EPG5: variants seen among roughly 807,000 people sequenced by gnomAD.
The protein encoded by EPG5 is ectopic P-granules 5 autophagy tethering factor, also known as ectopic P granules protein 5 homolog.
Under a neutral mutation model 302.7 loss-of-function variants are expected in EPG5, and 159 were observed. The ratio of observed to expected loss-of-function variants is 0.53; its 90% CI spans 0.46 to 0.60. The LOEUF is 0.60. Ranked by LOEUF, EPG5 falls within the 20% of genes least tolerant of loss-of-function variation. The pLI is 0.00. For missense variants in EPG5, 2,896 were observed against 3,092.4 expected (o/e 0.94, Z 1.51); for synonymous variants, 1,158 against 1,136.8 (o/e 1.02, Z -0.37).
At chr18:45,944,151 G>T in intron 7 of EPG5, 32 bp from the exon 8 acceptor site, 1 of 1,332,006 alleles carries the variant, frequency 7.5e-7, no homozygotes, top group Non-Finnish European at 1.1e-6. Context: ...CATGTCAGCA[G>T]ATTTGATCAG....
At chr18:45,924,830 A>G (rs944965159) in intron 14 of EPG5, among the ~76,000 whole-genome samples, 2 of 152,196 alleles carry the variant, frequency 1.3e-5, no homozygotes, top group African/African-American at 4.8e-5. Flanking sequence ...GGCTCTCTTA[A>G]GCCCAGGAGT....
rs564878728 is a variant in EPG5, at chr18:45,935,516, T to C, written c.2100-550A>G. Among the ~76,000 whole-genome samples the C allele has an allele frequency of 3.9e-5, 6 of 152,322 alleles. No homozygotes were observed. The South Asian group carries it at 1.0e-3, about 26-fold the overall frequency. On this transcript the variant is annotated intron_variant, in intron 10 of 43. Transcript: ENST00000282041. Reference sequence around the variant, plus strand: ...AAGATCGCACCATTGTACTCCAGCCTGGGCAACACGAGTGAAACTCCAACT... The same window carrying C: ...AAGATCGCACCATTGTACTCCAGCCCGGGCAACACGAGTGAAACTCCAACT...
chr18:45,967,189 C>T lies in EPG5; in HGVS notation c.51G>A (p.Arg17=). The T allele has an allele frequency of 6.2e-7, 1 of 1,604,240 alleles. No individual in the cohort carries two copies. ...GGGAGATCCTCACCTTTGTTTTAGT[C>T]CGGCTGGCCTTGGCCTTGGCCCGGC... ...PQRRAKAKAS[R]TKTKEKKKYE... The change falls in exon 1 of 44, where the codon CGG becomes CGA. Residue 17 remains arginine (R), a synonymous_variant. Coordinates refer to ENST00000282041, the MANE Select transcript of EPG5 (RefSeq NM_020964.3).
chr18:45,826,201 A>C, the EPG5 span, among the ~76,000 whole-genome samples: 3 of 151,818 alleles, frequency 2.0e-5, no homozygotes, highest in Non-Finnish European at 4.4e-5. Context: ...GTTTGGGGAC[A>C]GTGCTGATGC....
intron 23 of EPG5, among the ~76,000 whole-genome samples, chr18:45,909,086 C>A (rs2049829488): frequency 6.6e-6 from 1 of 152,046 alleles, no homozygotes; most frequent in South Asian, 2.1e-4. Flanking sequence ...GGGTAGGGGA[C>A]TGGGAGATGG....
chr18:45,909,584 CTT>C (rs1951329336), intron 23 of EPG5, among the ~76,000 whole-genome samples: 1 of 152,132 alleles, frequency 6.6e-6, no homozygotes. Flanking sequence ...TTATATCAAA[CTT>C]ATAAATGAAA....
chr18:45,895,228 G>C (rs992496410), intron 27 of EPG5, among the ~76,000 whole-genome samples: 4 of 152,164 alleles, frequency 2.6e-5, no homozygotes, highest in African/African-American at 9.7e-5. Flanking sequence ...ATAGGAAGAA[G>C]AGATTTGGAA....
chr18:45,817,349 T>G, the EPG5 span, among the ~76,000 whole-genome samples: 2 of 152,242 alleles, frequency 1.3e-5, no homozygotes, highest in African/African-American at 4.8e-5. Flanking sequence ...TCAAAAAAGT[T>G]TCTTTCCTTT....
intron 26 of EPG5, among the ~76,000 whole-genome samples, chr18:45,900,551 G>A (rs1021410757): frequency 1.1e-4 from 17 of 152,028 alleles, no homozygotes; most frequent in African/African-American, 3.9e-4. Flanking sequence ...TGATCATATT[G>A]TATCCACCTT....
At chr18:45,949,650 G>A (rs913056263) in intron 4 of EPG5, 59 bp from the exon 5 acceptor site, 2 of 1,175,894 alleles carry the variant, frequency 1.7e-6, no homozygotes, top group Non-Finnish European at 2.5e-6. Flanking sequence ...ATTTATCTAG[G>A]GGTCTAGTAA....
chr18:45,937,547 C>A (rs759765060), intron 10 of EPG5, among the ~76,000 whole-genome samples: 1 of 152,038 alleles, frequency 6.6e-6, no homozygotes, highest in Non-Finnish European at 1.5e-5. Flanking sequence ...GCTGGGATTA[C>A]AGGTGCCTGC....
At chr18:45,868,664 C>T (rs193042673) in intron 36 of EPG5, among the ~76,000 whole-genome samples, 161 of 151,624 alleles carry the variant, frequency 1.1e-3, no homozygotes, top group African/African-American at 3.7e-3. Context: ...CCACCGCGCC[C>T]GGCCTATATT....
chr18:45,910,551 G>A lies in EPG5; in HGVS notation c.4175C>T (p.Thr1392Ile). 6.2e-7 allele frequency: 1 copy of A among 1,612,682 alleles called. No individual in the cohort carries two copies. Among genetic ancestry groups the A allele is most frequent in the Non-Finnish European group, 8.5e-7 (1 of 1,179,570 alleles). ...CAGCTCCTTGTGCAGTTCTGGTGAA[G>A]TCAGGTAACCAGGGGTGCCAGAGTG... ...ESHSGTPGYL[T>I]SPELHKELVR... is the part of the protein sequence containing the mutation. The change falls in exon 23 of 44, where the codon ACT (threonine) becomes ATT (isoleucine). Residue 1392 changes from threonine to isoleucine, a missense_variant. By Grantham distance (89) the Thr-to-Ile change is moderately conservative (BLOSUM62 -1). This residue lies in a region of EPG5 where 790 missense variants were observed against 798.0 expected (regional missense o/e 0.99). Transcript: ENST00000282041.
the EPG5 span, chr18:45,838,719 C>A: frequency 1.8e-5 from 29 of 1,572,622 alleles, no homozygotes; most frequent in Non-Finnish European, 2.4e-5. Context: ...CCCCTGCAGC[C>A]GCGCCGCGGA....
At position 45,879,183 on chromosome 18, in the gene EPG5, A is replaced by C. The variant is rs376947065; in HGVS notation, c.5699T>G (p.Phe1900Cys). The change falls in exon 33 of 44, where the codon TTT (phenylalanine) becomes TGT (cysteine). Residue 1900 changes from phenylalanine to cysteine, a missense_variant. This residue lies in a region of EPG5 where 790 missense variants were observed against 798.0 expected (regional missense o/e 0.99). Coordinates refer to ENST00000282041, the MANE Select transcript of EPG5 (RefSeq NM_020964.3). ...CTTGGATAACCGAAGCTTATAAAAA[A>C]AGTCTGAAAGCCACTGTATAGTCTC... is the stretch of plus-strand genomic sequence containing the variant. ...VMETIQWLSD[F>C]FYKLRLSKMD... is the part of the protein sequence containing the mutation. 4.3e-6 allele frequency: 7 copies of C among 1,613,622 alleles called. No individual in the cohort carries two copies. The highest frequency in any genetic ancestry group is 5.9e-6 in the Non-Finnish European group (7 of 1,179,952).
chr18:45,874,617 T>C (rs919581815), intron 35 of EPG5, among the ~76,000 whole-genome samples: 1 of 152,136 alleles, frequency 6.6e-6, no homozygotes, highest in African/African-American at 2.4e-5. Context: ...CCAGATCTCA[T>C]GAGACTCATT....
chr18:45,915,281 A>AAAAAAT (rs1454694707), intron 20 of EPG5, among the ~76,000 whole-genome samples: 2 of 152,174 alleles, frequency 1.3e-5, no homozygotes, highest in Non-Finnish European at 2.9e-5. Context: ...TCCATCTCAA[A>AAAAAAT]AAAAATAAAA....
At chr18:45,825,653 C>T in the EPG5 span, 2 of 1,545,026 alleles carry the variant, frequency 1.3e-6, no homozygotes, top group Admixed American at 1.7e-5. Flanking sequence ...TTCCTTCCCC[C>T]ACCACGCCTG....
the EPG5 span, among the ~76,000 whole-genome samples, chr18:45,824,407 C>T: frequency 2.0e-5 from 3 of 152,160 alleles, no homozygotes; most frequent in Non-Finnish European, 2.9e-5. Context: ...GGTGTTTCAC[C>T]GTGTTAGCCA....
Sources: allele counts gnomAD v4.1 joint callset (sites outside exome capture counted in the v4.1 genomes callset), GRCh38; gene constraint gnomAD v4.1.1; regional missense constraint gnomAD v4.1.1; transcripts MANE v1.5; gene names NCBI Gene and HGNC (gene_info 2026-07-23, HGNC 2026-07-21).